The following SYNE2 variants were observed in gnomAD, a reference collection of about 807,000 sequenced individuals.
SYNE2 encodes the protein nesprin-2.
Under a neutral mutation model 856.3 loss-of-function variants are expected in SYNE2, and 431 were observed. That is an observed-to-expected ratio of 0.50 (90% CI 0.47 to 0.55). SYNE2 has a LOEUF of 0.55. SYNE2 is among the 20% of genes least tolerant of loss of function. The probability of loss-of-function intolerance (pLI) is 0.00; values close to 1 mark genes in which losing one functional copy is unlikely to be tolerated. For synonymous variants in SYNE2, 2,923 were observed against 2,872.3 expected (o/e 1.02, Z -0.56); for missense variants, 8,129 against 8,023.2 (o/e 1.01, Z -0.50).
chr14:63,934,518 A>G (rs1244064088), intron 2 of SYNE2, among the ~76,000 whole-genome samples: 1 of 150,956 alleles, frequency 6.6e-6, no homozygotes, highest in African/African-American at 2.4e-5. Flanking sequence ...GACCCCTTTT[A>G]TCTAGTATCA....
rs767597282 is a variant in SYNE2, at chr14:64,070,871, CA to C, written c.10659del (p.Gln3555LysfsTer6). 1 of 1,614,014 alleles carries C rather than the reference CA, an allele frequency of 6.2e-7. No individual in the cohort carries two copies. Among genetic ancestry groups the C allele is most frequent in the African/African-American group, 1.3e-5 (1 of 74,904 alleles). ...TCAGGGGCTGTGGAAACTGTTCCAG[CA>C]TTTCAAGAAATTACTTCTATGAAAG... ...ESSGAVETVPAFQEITSMKER... is the reference protein window; with the variant it reads ...ESSGAVETVPXFQEITSMKER... On this transcript the variant is annotated frameshift_variant, in exon 52 of 116. Transcript: ENST00000555002. LOFTEE classifies it high-confidence loss of function.
rs953549148 is a variant in SYNE2 at position 64,005,321 on chromosome 14, C to G, written c.4398-1722C>G. On this transcript the variant is annotated intron_variant, in intron 30 of 115. Transcript: ENST00000555002. ...CTGGTTTGACCTATTGTAGTAATCC[C>G]TGGTAGGGATGAAGCTGGCATGGAC... Among the ~76,000 whole-genome samples the G allele has an allele frequency of 7.9e-5, 12 of 152,252 alleles. 1 individual carries two copies. The South Asian group carries it at 8.3e-4, about 11-fold the overall frequency.
At chr14:64,091,139 A>T in intron 60 of SYNE2, 91 bp downstream of exon 60, 1 of 1,200,342 alleles carries the variant, frequency 8.3e-7, no homozygotes, top group South Asian at 1.3e-5. Context: ...ATTCATTATT[A>T]TCCTATTATT....
chr14:64,070,731 A>T lies in SYNE2; in HGVS notation c.10518A>T (p.Glu3506Asp). The T allele has an allele frequency of 6.2e-7, 1 of 1,614,136 alleles. No individual in the cohort carries two copies. The highest frequency in any genetic ancestry group is 8.5e-7 in the Non-Finnish European group (1 of 1,180,006). ...CAAAAGAGGCAGCCACCACAGAGGA[A>T]CTCTCTGAGCTGCTAGACTGTTTAT... ...SKTKEAATTE[E>D]LSELLDCLCQ... Residue 3506 changes from glutamate to aspartate, a missense_variant, in exon 52 of 116, where the codon GAA (glutamate) becomes GAT (aspartate). By Grantham distance (45) the Glu-to-Asp change is conservative. Transcript: ENST00000555002.
At chr14:64,180,543 C>T (rs77957961) in intron 96 of SYNE2, among the ~76,000 whole-genome samples, 2,139 of 147,108 alleles carry the variant, frequency 0.015, 44 homozygotes, top group East Asian at 0.12. Flanking sequence ...TCGTTCTTGT[C>T]ACCCAGGCTG....
In SYNE2 at chr14:64,072,012, A is replaced by C. The variant is rs1392936138; in HGVS notation, c.10697+1102A>C. Among the ~76,000 whole-genome samples, 4 of 152,334 alleles carry C rather than the reference A, an allele frequency of 2.6e-5. No homozygotes were observed. In the East Asian group the frequency reaches 7.7e-4, roughly 29 times the overall value. ...CAGCCTGAAACGTCCATCTCAAAAA[A>C]TAAAAATAAAAAATGTAACTAGCTG... On this transcript the variant is annotated intron_variant, in intron 52 of 115. Transcript: ENST00000555002.
chr14:63,959,287 C>CTTTTTTTTTTTTTTTTTTTTTT (rs34198434), intron 8 of SYNE2, among the ~76,000 whole-genome samples: 1 of 81,374 alleles, frequency 1.2e-5, no homozygotes, highest in Admixed American at 1.4e-4. Flanking sequence ...TTTTCTTCTT[C>CTTTTTTTTTTTTTTTTTTTTTT]TTTTTTTTTT....
chr14:64,147,347 G>C (rs2098196647), intron 84 of SYNE2, among the ~76,000 whole-genome samples: 1 of 152,040 alleles, frequency 6.6e-6, no homozygotes, highest in African/African-American at 2.4e-5. Context: ...GCTGCAGAGG[G>C]ATATTTCTGA....
chr14:64,136,709 C>T (rs1356548758), intron 78 of SYNE2, among the ~76,000 whole-genome samples: 1 of 152,078 alleles, frequency 6.6e-6, no homozygotes, highest in East Asian at 1.9e-4. Context: ...AAGTTTTCTT[C>T]CTTTCTCTCT....
chr14:64,068,861 CAAAAAAAAAAAA>C (rs10546690), intron 51 of SYNE2, among the ~76,000 whole-genome samples: 277 of 76,638 alleles, frequency 3.6e-3, no homozygotes, highest in African/African-American at 0.012. Context: ...GACTCCGTCT[CAAAAAAAAAAAA>C]AAAAAAAAAA....
In SYNE2 at chr14:64,078,590, C is replaced by G. The variant is rs1439289343; in HGVS notation, c.11147C>G (p.Ala3716Gly). 6.2e-7 allele frequency: 1 copy of G among 1,614,008 alleles called. No individual in the cohort carries two copies. Among genetic ancestry groups the G allele is most frequent in the Admixed American group, 1.7e-5 (1 of 60,018 alleles). ...CAGAAAAGCAAAAATATTGAGAAAG[C>G]TCAAGAAATTCAAAAGGTAAAATCC... ...LQQKSKNIEK[A>G]QEIQKKMWDE... is the part of the protein sequence containing the mutation. Residue 3716 changes from alanine to glycine, a missense_variant, in exon 55 of 116, where the codon GCT becomes GGT. Physicochemically the swap from Ala to Gly is moderately conservative, Grantham distance 60. Coordinates refer to ENST00000555002, the MANE Select transcript of SYNE2 (RefSeq NM_182914.3).
At chr14:64,132,078 C>T (rs1019979463) in intron 76 of SYNE2, among the ~76,000 whole-genome samples, 187 bp from the exon 77 acceptor site, 1 of 152,128 alleles carries the variant, frequency 6.6e-6, no homozygotes, top group African/African-American at 2.4e-5. Context: ...GGATTACGGG[C>T]ATTCACCACC....
chr14:63,868,364 G>A (rs1252887033), intron 1 of SYNE2, among the ~76,000 whole-genome samples: 2 of 151,710 alleles, frequency 1.3e-5, no homozygotes, highest in South Asian at 4.2e-4. Context: ...AGTCCCAGCT[G>A]CTAAGGAAGC....
intron 1 of SYNE2, among the ~76,000 whole-genome samples, chr14:63,879,095 A>C (rs2094796911): frequency 1.3e-5 from 2 of 152,094 alleles, no homozygotes; most frequent in Non-Finnish European, 2.9e-5. Flanking sequence ...AGTTTACAGG[A>C]GCACAAACTG....
chr14:64,173,815 C>A, intron 94 of SYNE2: 1 of 560,512 alleles, frequency 1.8e-6, no homozygotes, highest in Non-Finnish European at 3.1e-6. Flanking sequence ...CCTCTAAAAC[C>A]AAATGCCTTT....
chr14:64,148,167 T>C (rs945173299), intron 84 of SYNE2, among the ~76,000 whole-genome samples: 3 of 151,994 alleles, frequency 2.0e-5, no homozygotes, highest in Non-Finnish European at 4.4e-5. Flanking sequence ...ATTTAAAAAT[T>C]AGCCGGGCAT....
At chr14:64,127,457 A>G (rs2097959100) in intron 73 of SYNE2, among the ~76,000 whole-genome samples, 1 of 152,192 alleles carries the variant, frequency 6.6e-6, no homozygotes, top group Non-Finnish European at 1.5e-5. Context: ...AGTCTTGAGT[A>G]AGAATTTGTT....
At chr14:64,126,542 G>A (rs2097947593) in intron 72 of SYNE2, 56 bp from the exon 73 acceptor site, 7 of 1,614,118 alleles carry the variant, frequency 4.3e-6, no homozygotes, top group South Asian at 1.1e-5. Context: ...TTAAGCCCAC[G>A]TGGAAGCCTC....
rs1566918010 is a variant in SYNE2, at chr14:63,961,588, A to T, written c.851A>T (p.Tyr284Phe). Residue 284 changes from tyrosine to phenylalanine, a missense_variant, in exon 9 of 116, where the codon TAT becomes TTT. Around this residue, in one of 3 missense-constraint regions of SYNE2, gnomAD observed 2,422 missense variants for 2,357.4 expected, o/e 1.03. Transcript: ENST00000555002. ...ACCTATGTGGCACAGTTTCTGCAGT[A>T]TTCCAAAGATGCCCCTGGGACTGGA... is the stretch of plus-strand genomic sequence containing the variant. ...IMTYVAQFLQ[Y>F]SKDAPGTGEE... 1 of 1,614,128 alleles carries T rather than the reference A, an allele frequency of 6.2e-7. No homozygotes were observed. The highest frequency in any genetic ancestry group is 1.7e-5 in the Admixed American group (1 of 60,024).
Sources: gnomAD v4.1 joint callset for allele counts (sites outside exome capture counted in the v4.1 genomes callset) on GRCh38, gnomAD v4.1.1 for gene constraint, gnomAD v4.1.1 regional missense constraint, MANE v1.5 for transcripts, NCBI Gene and HGNC (gene_info 2026-07-23, HGNC 2026-07-21) for gene names.